FHIT: variants seen among roughly 807,000 people sequenced by gnomAD.
FHIT encodes the protein fragile histidine triad diadenosine triphosphatase.
A neutral mutation model predicts 17.9 loss-of-function variants in FHIT; 19 were observed. That is an observed-to-expected ratio of 1.06 (90% CI 0.74 to 1.56). The LOEUF (loss-of-function observed/expected upper bound fraction) is 1.56, where lower values mean the gene tolerates loss of function less well. FHIT is among the 40% of genes most tolerant of loss of function. The pLI is 0.00. For missense variants in FHIT, 248 were observed against 189.2 expected (o/e 1.31, Z -1.82); for synonymous variants, 81 against 69.7 (o/e 1.16, Z -0.81).
chr3:60,708,218 G>T (rs889544336), intron 4 of FHIT, among the ~76,000 whole-genome samples: 1 of 152,164 alleles, frequency 6.6e-6, no homozygotes, highest in Non-Finnish European at 1.5e-5. Flanking sequence ...TTTACTAGGA[G>T]AAAGATCTGT....
chr3:59,850,102 A>T (rs1701874654), intron 8 of FHIT, among the ~76,000 whole-genome samples: 1 of 152,228 alleles, frequency 6.6e-6, no homozygotes, highest in South Asian at 2.1e-4. Context: ...AGTTAATTTA[A>T]TAAAAATTAG....
intron 1 of FHIT, among the ~76,000 whole-genome samples, chr3:61,216,057 C>T (rs1430091832): frequency 6.6e-6 from 1 of 152,088 alleles, no homozygotes; most frequent in Non-Finnish European, 1.5e-5. Flanking sequence ...AAAACCTAGG[C>T]ATTACCATTC....
intron 4 of FHIT, among the ~76,000 whole-genome samples, chr3:60,729,815 C>A (rs2041992026): frequency 6.6e-6 from 1 of 151,750 alleles, no homozygotes; most frequent in South Asian, 2.1e-4. Context: ...TCTGGAAGGA[C>A]CTATATAATG....
At chr3:60,738,690 T>G (rs983470708) in intron 4 of FHIT, among the ~76,000 whole-genome samples, 1 of 152,154 alleles carries the variant, frequency 6.6e-6, no homozygotes, top group Admixed American at 6.5e-5. Flanking sequence ...ACCAAGTGGA[T>G]GCAGATAATA....
intron 3 of FHIT, among the ~76,000 whole-genome samples, chr3:60,972,964 A>T (rs1304694661): frequency 2.6e-5 from 4 of 152,194 alleles, no homozygotes; most frequent in Non-Finnish European, 2.9e-5. Context: ...CTTCTTGAAC[A>T]TATTAATCTC....
chr3:60,764,860 T>C (rs1326143153), intron 4 of FHIT, among the ~76,000 whole-genome samples: 1 of 152,002 alleles, frequency 6.6e-6, no homozygotes, highest in South Asian at 2.1e-4. Context: ...ATTCTTAACC[T>C]GAAACCAAAA....
chr3:60,358,101 G>C (rs1019482441), intron 5 of FHIT, among the ~76,000 whole-genome samples: 8 of 152,202 alleles, frequency 5.3e-5, no homozygotes, highest in African/African-American at 9.7e-5. Flanking sequence ...CATAAGTTTT[G>C]AGAAAGAAGG....
chr3:61,174,757 T>A (rs1403193721), intron 2 of FHIT, among the ~76,000 whole-genome samples: 1 of 152,248 alleles, frequency 6.6e-6, no homozygotes, highest in Non-Finnish European at 1.5e-5. Flanking sequence ...ATATTTCAAA[T>A]GCCTTGAAAA....
chr3:59,886,632 G>A (rs1703635830), intron 8 of FHIT, among the ~76,000 whole-genome samples: 1 of 152,076 alleles, frequency 6.6e-6, no homozygotes, highest in South Asian at 2.1e-4. Context: ...AGCTTTCATG[G>A]GAACTAACAG....
chr3:60,011,429 G>A, intron 6 of FHIT, 29 bp from the exon 7 acceptor site: 1 of 1,599,582 alleles, frequency 6.3e-7, no homozygotes, highest in Non-Finnish European at 8.6e-7. Context: ...CAACAGAGGT[G>A]AGAATAGATA....
chr3:59,811,411 C>G (rs897564065), intron 8 of FHIT, among the ~76,000 whole-genome samples: 2 of 152,064 alleles, frequency 1.3e-5, no homozygotes, highest in Non-Finnish European at 2.9e-5. Flanking sequence ...CATGCCCAGA[C>G]AGAATTAAAA....
intron 7 of FHIT, 23 bp downstream of exon 7, chr3:60,011,348 G>C (rs768597887): frequency 1.2e-6 from 2 of 1,610,734 alleles, no homozygotes; most frequent in South Asian, 1.1e-5. Flanking sequence ...TTATTAATTT[G>C]TATGCACATA....
intron 2 of FHIT, among the ~76,000 whole-genome samples, chr3:61,198,339 T>C (rs1386214665): frequency 6.6e-6 from 1 of 152,074 alleles, no homozygotes; most frequent in Non-Finnish European, 1.5e-5. Flanking sequence ...CAAGGGAGAA[T>C]CCTTTAGCTA....
At chr3:60,535,595 T>C (rs1397946893) in intron 5 of FHIT, among the ~76,000 whole-genome samples, 2 of 151,970 alleles carry the variant, frequency 1.3e-5, no homozygotes, top group African/African-American at 2.4e-5. Flanking sequence ...TAGTGTTTTT[T>C]TTTAATAAAC....
chr3:60,021,785 T>C (rs1445354697), intron 5 of FHIT, among the ~76,000 whole-genome samples: 1 of 152,202 alleles, frequency 6.6e-6, no homozygotes, highest in Non-Finnish European at 1.5e-5. Flanking sequence ...GCTGTTTCAA[T>C]GCCTCTCAAG....
At chr3:60,491,868 A>G (rs1428136977) in intron 5 of FHIT, among the ~76,000 whole-genome samples, 1 of 152,210 alleles carries the variant, frequency 6.6e-6, no homozygotes, top group Non-Finnish European at 1.5e-5. Flanking sequence ...ATGTTCCATT[A>G]TAACAATATT....
intron 5 of FHIT, among the ~76,000 whole-genome samples, chr3:60,487,090 T>G (rs758478243): frequency 1.3e-4 from 20 of 152,190 alleles, no homozygotes; most frequent in Non-Finnish European, 2.4e-4. Flanking sequence ...CTCTTTGGGT[T>G]TGATTGAATC....
chr3:60,789,764 G>GA (rs1211665927), intron 4 of FHIT, among the ~76,000 whole-genome samples: 8 of 149,258 alleles, frequency 5.4e-5, no homozygotes, highest in African/African-American at 9.8e-5. Flanking sequence ...ACACCAGAAG[G>GA]AAAAAAAAAA....
chr3:60,572,464 G>T (rs1032188011), intron 4 of FHIT, among the ~76,000 whole-genome samples: 1 of 151,710 alleles, frequency 6.6e-6, no homozygotes, highest in Admixed American at 6.6e-5. Flanking sequence ...GAAAAAAAGA[G>T]ACTGTTGATA....
Sources: allele counts gnomAD v4.1 joint callset (sites outside exome capture counted in the v4.1 genomes callset), GRCh38; gene constraint gnomAD v4.1.1; transcripts MANE v1.5; gene names NCBI Gene and HGNC (gene_info 2026-07-23, HGNC 2026-07-21).